PTPRN2: variants seen among roughly 807,000 people sequenced by gnomAD.
PTPRN2 encodes protein tyrosine phosphatase receptor type N2.
Under a neutral mutation model 118.8 loss-of-function variants are expected in PTPRN2, and 74 were observed. The observed-to-expected ratio is 0.62, with a 90% CI of 0.52 to 0.76. The LOEUF (loss-of-function observed/expected upper bound fraction) is 0.76, where lower values mean the gene tolerates loss of function less well. Among genes scored for constraint, PTPRN2 ranks in the 30% least tolerant of loss-of-function variants. The pLI is 0.00. For missense variants in PTPRN2, 1,481 were observed against 1,394.4 expected (o/e 1.06, Z -0.99); for synonymous variants, 641 against 608.0 (o/e 1.05, Z -0.80).
At chr7:158,528,383 C>T (rs964029544) in intron 1 of PTPRN2, among the ~76,000 whole-genome samples, 9 of 152,188 alleles carry the variant, frequency 5.9e-5, no homozygotes, top group African/African-American at 4.8e-5. Context: ...GCCGGTCAGC[C>T]GTCTCTTGCC....
chr7:157,546,473 C>A (rs1344041497), intron 22 of PTPRN2, among the ~76,000 whole-genome samples: 4 of 152,326 alleles, frequency 2.6e-5, no homozygotes, highest in African/African-American at 7.2e-5. Flanking sequence ...ATTCCCCTCC[C>A]AGTGTCCATG....
intron 5 of PTPRN2, among the ~76,000 whole-genome samples, chr7:158,175,094 A>C (rs186077826): frequency 1.3e-5 from 2 of 152,198 alleles, no homozygotes; most frequent in African/African-American, 4.8e-5. Context: ...GTCTCTGCCC[A>C]TGCTCATCAG....
At chr7:158,270,491 C>T (rs190736751) in intron 3 of PTPRN2, among the ~76,000 whole-genome samples, 99 of 152,252 alleles carry the variant, frequency 6.5e-4, no homozygotes, top group East Asian at 2.5e-3. Context: ...CTGGCCATAA[C>T]GTGCCCCCGA....
chr7:157,852,662 A>G (rs1416733887), intron 12 of PTPRN2, among the ~76,000 whole-genome samples: 1 of 152,064 alleles, frequency 6.6e-6, no homozygotes, highest in African/African-American at 2.4e-5. Context: ...CGAGGTCAAG[A>G]TGCTGAGACC....
intron 12 of PTPRN2, among the ~76,000 whole-genome samples, chr7:157,745,452 T>C (rs1796267): frequency 0.23 from 35,402 of 151,138 alleles, 6,146 homozygotes; most frequent in African/African-American, 0.47. Flanking sequence ...GGACAGGCTG[T>C]GGGAGGCAGG....
In PTPRN2 at chr7:158,087,879, A is replaced by T. The variant is rs1425758577; in HGVS notation, c.1644-6502T>A. ...GATGAAGGAGGGAGTCTTCACACAA[A>T]CCTTCTTCCCCTGATGAAAGAGGGA... On this transcript the variant is annotated intron_variant, in intron 10 of 22. Coordinates refer to ENST00000389418, the MANE Select transcript of PTPRN2 (RefSeq NM_002847.5). Among the ~76,000 whole-genome samples the T allele has an allele frequency of 4.6e-4, 38 of 82,710 alleles. 1 individual carries two copies. The highest frequency in any genetic ancestry group is 9.1e-4 in the Non-Finnish European group (31 of 33,902). The allele number at this position is 82,710 out of a possible 152,430, so 54.3% of individuals were successfully genotyped here.
chr7:157,597,048 C>T (rs1801385814), intron 16 of PTPRN2, among the ~76,000 whole-genome samples: 1 of 152,116 alleles, frequency 6.6e-6, no homozygotes, highest in Admixed American at 6.6e-5. Flanking sequence ...GTCACCAGCC[C>T]CAGAGATGAT....
At chr7:157,999,506 C>G (rs1805052774) in intron 11 of PTPRN2, among the ~76,000 whole-genome samples, 1 of 152,210 alleles carries the variant, frequency 6.6e-6, no homozygotes, top group South Asian at 2.1e-4. Flanking sequence ...GCGTTTTCCA[C>G]CAACACAGGC....
chr7:157,895,696 G>A (rs1410274495), intron 12 of PTPRN2, among the ~76,000 whole-genome samples: 3 of 151,470 alleles, frequency 2.0e-5, no homozygotes, highest in African/African-American at 7.3e-5. Context: ...AGGGAGAGGT[G>A]AAGGCGCGAC....
chr7:158,009,065 A>G (rs1157724245), intron 11 of PTPRN2, among the ~76,000 whole-genome samples: 1 of 152,108 alleles, frequency 6.6e-6, no homozygotes, highest in Admixed American at 6.5e-5. Context: ...CAGTTCCACC[A>G]GGCATAGCAG....
At chr7:158,236,274 G>T (rs1333548508) in intron 3 of PTPRN2, among the ~76,000 whole-genome samples, 2 of 152,168 alleles carry the variant, frequency 1.3e-5, no homozygotes, top group Non-Finnish European at 2.9e-5. Context: ...CACACAGGCA[G>T]GCAATGTCTT....
At chr7:157,745,398 G>A (rs1209047272) in intron 12 of PTPRN2, among the ~76,000 whole-genome samples, 1 of 151,436 alleles carries the variant, frequency 6.6e-6, no homozygotes, top group African/African-American at 2.4e-5. Flanking sequence ...GCGGGAGGCA[G>A]GCATGGGGGA....
chr7:158,051,755 A>T (rs571116562), intron 11 of PTPRN2, among the ~76,000 whole-genome samples: 12 of 152,324 alleles, frequency 7.9e-5, no homozygotes, highest in African/African-American at 2.9e-4. Context: ...TCCAATTAGC[A>T]TATCACTGTG....
At position 158,544,127 on chromosome 7, in the gene PTPRN2, G is replaced by A. The variant is rs577083333; in HGVS notation, c.112+43431C>T. 3.3e-5 allele frequency among the ~76,000 whole-genome samples: 5 copies of A among 152,246 alleles called. No homozygotes were observed. In the South Asian group the frequency reaches 6.2e-4, roughly 19 times the overall value. ...CCGGTGGAGGGGGATATGTACACCC[G>A]CCTGGGAGGGGCCAGAACCCAGTCC... On this transcript the variant is annotated intron_variant, in intron 1 of 22. Transcript: ENST00000389418. This position sits in a 1 kb window ranked among gnomAD's most constrained non-coding sequence, Gnocchi z 4.2.
intron 1 of PTPRN2, among the ~76,000 whole-genome samples, chr7:158,561,902 A>T (rs747777679): frequency 6.6e-6 from 1 of 152,168 alleles, no homozygotes; most frequent in African/African-American, 2.4e-5. Flanking sequence ...TGGGTGAAGC[A>T]TTGCAGCCCA....
At chr7:158,296,214 C>G (rs4398850) in intron 3 of PTPRN2, among the ~76,000 whole-genome samples, 2,070 of 152,200 alleles carry the variant, frequency 0.014, 44 homozygotes, top group African/African-American at 0.047. Context: ...ACACAAGCAG[C>G]TCCCCAAGAC....
At chr7:157,937,089 C>T (rs902141093) in intron 11 of PTPRN2, among the ~76,000 whole-genome samples, 1 of 152,224 alleles carries the variant, frequency 6.6e-6, no homozygotes, top group African/African-American at 2.4e-5. Flanking sequence ...GCCTGGGCCA[C>T]CTTCTCTGGG....
intron 11 of PTPRN2, among the ~76,000 whole-genome samples, chr7:157,940,076 T>C (rs1799953372): frequency 6.6e-6 from 1 of 152,092 alleles, no homozygotes; most frequent in Non-Finnish European, 1.5e-5. Flanking sequence ...AGGCCCCCGT[T>C]GGTATGACCA....
In PTPRN2 at chr7:157,559,971, A is replaced by G. The variant is rs375399345; in HGVS notation, c.2902+8931T>C. On this transcript the variant is annotated intron_variant, in intron 21 of 22. Transcript: ENST00000389418. ...TGCCAGCAAGGCCTGTGTTGGAGGG[A>G]GGGGAGGGCCTGGATGGGCCTGGAT... Among the ~76,000 whole-genome samples, 19 of 151,856 alleles carry G rather than the reference A, an allele frequency of 1.3e-4. No homozygotes were observed. In the East Asian group the frequency reaches 2.7e-3, roughly 22 times the overall value.
Sources: gnomAD v4.1 joint callset for allele counts (sites outside exome capture counted in the v4.1 genomes callset) on GRCh38, gnomAD v4.1.1 for gene constraint, Gnocchi (gnomAD v3.1) non-coding constraint, MANE v1.5 for transcripts, NCBI Gene and HGNC (gene_info 2026-07-23, HGNC 2026-07-21) for gene names.